Variants in RAD54L2 observed in about 807,000 individuals in gnomAD.
The protein encoded by RAD54L2 is RAD54 like 2.
A neutral mutation model predicts 138.4 loss-of-function variants in RAD54L2; 27 were observed. The ratio of observed to expected loss-of-function variants is 0.20; its 90% CI spans 0.14 to 0.27. RAD54L2 has a LOEUF of 0.27. Among genes scored for constraint, RAD54L2 ranks in the 10% least tolerant of loss-of-function variants. RAD54L2 has a pLI of 1.00. For missense variants in RAD54L2, 1,396 were observed against 1,890.2 expected (o/e 0.74, Z 4.85); for synonymous variants, 644 against 723.2 (o/e 0.89, Z 1.76).
chr3:51,644,350 C>T (rs1180467151), intron 16 of RAD54L2, among the ~76,000 whole-genome samples: 2 of 151,958 alleles, frequency 1.3e-5, no homozygotes, highest in Non-Finnish European at 2.9e-5. Context: ...GAGGCAGAGG[C>T]GGGAGGATGG....
intron 3 of RAD54L2, among the ~76,000 whole-genome samples, chr3:51,590,938 G>C (rs1699826055): frequency 6.6e-6 from 1 of 152,218 alleles, no homozygotes; most frequent in African/African-American, 2.4e-5. Context: ...GTAACTGTGA[G>C]TGGTCTGTAA....
At chr3:51,634,466 T>C (rs1700933357) in intron 9 of RAD54L2, among the ~76,000 whole-genome samples, 1 of 149,806 alleles carries the variant, frequency 6.7e-6, no homozygotes, top group Non-Finnish European at 1.5e-5. Context: ...GCTTCCCAGG[T>C]TCAAGTGATT....
chr3:51,545,439 C>A (rs929859198), intron 2 of RAD54L2, among the ~76,000 whole-genome samples: 1 of 151,876 alleles, frequency 6.6e-6, no homozygotes, highest in Non-Finnish European at 1.5e-5. Context: ...ATCCACCTGC[C>A]TCTGCTTCCC....
chr3:51,646,679 G>A (rs1701288372), intron 19 of RAD54L2, among the ~76,000 whole-genome samples, 198 bp downstream of exon 19: 1 of 152,212 alleles, frequency 6.6e-6, no homozygotes. Context: ...TGCCCTAGCT[G>A]GAAAAGTGAG....
Position 51,641,257 on chromosome 3 carries a change from C to T in RAD54L2, c.2232-492C>T, listed in dbSNP as rs189048613. On this transcript the variant is annotated intron_variant, in intron 14 of 22. Transcript: ENST00000684192. The stretch of plus-strand genomic sequence containing the variant: ...CTGACCTCAGGTGATCCGCCCGCCT[C>T]GGCCTCCCAAGTGCTGGGATTACAG... Among the ~76,000 whole-genome samples, 361 of 151,886 alleles carry T rather than the reference C, an allele frequency of 2.4e-3. 1 individual carries two copies. Among genetic ancestry groups the T allele is most frequent in the Non-Finnish European group, 3.7e-3 (255 of 68,004 alleles).
At chr3:51,600,231 C>T (rs1384702479) in intron 3 of RAD54L2, among the ~76,000 whole-genome samples, 3 of 150,492 alleles carry the variant, frequency 2.0e-5, no homozygotes, top group African/African-American at 4.9e-5. Context: ...CGTGAGCCAC[C>T]GCACCTGGCC....
intron 22 of RAD54L2, among the ~76,000 whole-genome samples, chr3:51,661,786 TC>T (rs1425930428): frequency 6.6e-6 from 1 of 152,240 alleles, no homozygotes; most frequent in Non-Finnish European, 1.5e-5. Flanking sequence ...CTTCTTTCTC[TC>T]CCTCCCTTTC....
At chr3:51,647,973 G>A (rs568465017) in intron 19 of RAD54L2, among the ~76,000 whole-genome samples, 6 of 152,304 alleles carry the variant, frequency 3.9e-5, no homozygotes, top group Admixed American at 2.6e-4. Flanking sequence ...CACAGAGGGC[G>A]AGCCGAAGCA....
intron 10 of RAD54L2, among the ~76,000 whole-genome samples, chr3:51,636,132 AGT>A (rs1227303556): frequency 6.6e-6 from 1 of 152,232 alleles, no homozygotes; most frequent in African/African-American, 2.4e-5. Context: ...GAAAATATAA[AGT>A]GTTTAAATCA....
At position 51,645,163 on chromosome 3, in the gene RAD54L2, C is replaced by G. The variant is rs763269440; in HGVS notation, c.2590C>G (p.Leu864Val). Residue 864 changes from leucine (L) to valine (V), a missense_variant, in exon 17 of 23, where the codon CTT becomes GTT. Around this residue, in one of 7 missense-constraint regions of RAD54L2, gnomAD observed 78 missense variants for 171.6 expected, o/e 0.45. Transcript: ENST00000684192. The surrounding 1 kb of genome is among the most constrained non-coding windows in gnomAD (Gnocchi z 6.1). ...GQKKPCYIYR[L>V]VADYTLEKKI... ...GAAAAAGCCCTGTTACATCTATCGC[C>G]TTGTGGCTGATTACACTCTAGAAAA... 1 of 1,613,930 alleles carries G rather than the reference C, an allele frequency of 6.2e-7. No individual in the cohort carries two copies. The highest frequency in any genetic ancestry group is 1.1e-5 in the South Asian group (1 of 91,074).
At chr3:51,641,316 C>A (rs1701129349) in intron 14 of RAD54L2, among the ~76,000 whole-genome samples, 1 of 143,652 alleles carries the variant, frequency 7.0e-6, no homozygotes, top group African/African-American at 2.6e-5. Context: ...AGAGTTACCC[C>A]CTTTTTTTTT....
At chr3:51,541,773 C>T (rs558158534) in intron 2 of RAD54L2, 123 bp downstream of exon 2, 2 of 152,246 alleles carry the variant, frequency 1.3e-5, no homozygotes, top group Admixed American at 1.3e-4. Context: ...GAAATTCTGC[C>T]TTTTGCTGTC....
chr3:51,544,246 C>T (rs186539479), intron 2 of RAD54L2, among the ~76,000 whole-genome samples: 1 of 152,262 alleles, frequency 6.6e-6, no homozygotes, highest in East Asian at 1.9e-4. Context: ...CACTGTGGAA[C>T]TAGTGGTGTG....
At chr3:51,589,681 TATAC>T (rs1369945893) in intron 2 of RAD54L2, among the ~76,000 whole-genome samples, 50 of 108,486 alleles carry the variant, frequency 4.6e-4, no homozygotes, top group African/African-American at 1.5e-3. Context: ...TATATATATA[TATAC>T]ACACACACAC....
chr3:51,590,657 C>CCATCCATA, intron 3 of RAD54L2, 98 bp downstream of exon 3: 1 of 1,494,204 alleles, frequency 6.7e-7, no homozygotes, highest in Non-Finnish European at 9.1e-7. Flanking sequence ...ATTTCTTAGG[C>CCATCCATA]CATCCATAGT....
rs1343688925 is a variant in RAD54L2, at chr3:51,663,402, A to G, written c.4386A>G (p.Ile1462Met). The change falls in exon 23 of 23, where the codon ATA (isoleucine) becomes ATG (methionine). Residue 1462 changes from isoleucine (I) to methionine (M), a missense_variant. Transcript: ENST00000684192. ...NDDEDKDDDVIEVTGK is the reference protein window; with the variant it reads ...NDDEDKDDDVMEVTGK Reference sequence around the variant, plus strand: ...ATGAGGATAAAGACGATGATGTGATAGAGGTCACTGGGAAATAGCTAGGGA... The same window carrying G: ...ATGAGGATAAAGACGATGATGTGATGGAGGTCACTGGGAAATAGCTAGGGA... The G allele has an allele frequency of 6.2e-7, 1 of 1,612,170 alleles. No individual in the cohort carries two copies. Among genetic ancestry groups the G allele is most frequent in the Non-Finnish European group, 8.5e-7 (1 of 1,178,660 alleles).
rs1288095635 is a variant in RAD54L2 at position 51,623,833 on chromosome 3, C to T, written c.140-3720C>T. 3.3e-5 allele frequency among the ~76,000 whole-genome samples: 5 copies of T among 151,898 alleles called. No individual in the cohort carries two copies. The East Asian group carries it at 5.8e-4, about 18-fold the overall frequency. ...TACTAAAAATACAAAAAAAATTAGC[C>T]GGGCATGGTGGTGGGCACCTGTAGT... On this transcript the variant is annotated intron_variant, in intron 3 of 22. Coordinates refer to ENST00000684192, the MANE Select transcript of RAD54L2 (RefSeq NM_015106.4).
intron 3 of RAD54L2, among the ~76,000 whole-genome samples, chr3:51,596,487 AAT>A (rs762944552): frequency 1.3e-5 from 2 of 152,236 alleles, no homozygotes; most frequent in East Asian, 3.9e-4. Context: ...CTTAGAATTT[AAT>A]ATGTTTTCTT....
intron 3 of RAD54L2, among the ~76,000 whole-genome samples, chr3:51,609,664 CT>C (rs534956565): frequency 1.3e-5 from 2 of 149,728 alleles, no homozygotes; most frequent in Admixed American, 6.7e-5. Flanking sequence ...TTGTTCAGTC[CT>C]TTTTTTCTCA....
Sources: allele counts gnomAD v4.1 joint callset (sites outside exome capture counted in the v4.1 genomes callset), GRCh38; gene constraint gnomAD v4.1.1; regional missense constraint gnomAD v4.1.1; non-coding constraint Gnocchi (gnomAD v3.1); transcripts MANE v1.5; gene names NCBI Gene and HGNC (gene_info 2026-07-23, HGNC 2026-07-21).